SLC27A4: variants seen among roughly 807,000 people sequenced by gnomAD.
SLC27A4 encodes the protein solute carrier family 27 member 4.
Under a neutral mutation model 64.4 loss-of-function variants are expected in SLC27A4, and 33 were observed. The observed-to-expected ratio is 0.51, with a 90% CI of 0.39 to 0.68. SLC27A4 has a LOEUF of 0.68. Ranked by LOEUF, SLC27A4 falls within the 30% of genes least tolerant of loss-of-function variation. SLC27A4 has a pLI of 0.00. For missense variants in SLC27A4, 824 were observed against 883.5 expected (o/e 0.93, Z 0.85); for synonymous variants, 377 against 370.0 (o/e 1.02, Z -0.22).
rs565283052 is a variant in SLC27A4 at position 128,350,526 on chromosome 9, G to T, written c.828G>T (p.Met276Ile). Residue 276 changes from methionine to isoleucine, a missense_variant, in exon 6 of 13, where the codon ATG becomes ATT. Physicochemically the swap from Met to Ile is conservative, Grantham distance 10. Coordinates refer to ENST00000300456, the MANE Select transcript of SLC27A4 (RefSeq NM_005094.4). The stretch of plus-strand genomic sequence containing the variant: ...CCCTGGTGTACTATGGATTCCGCAT[G>T]CGGCCCAACGACATCGTCTATGACT... ...MAALVYYGFR[M>I]RPNDIVYDCL... The T allele has an allele frequency of 6.2e-7, 1 of 1,614,048 alleles. No homozygotes were observed. Among genetic ancestry groups the T allele is most frequent in the African/African-American group, 1.3e-5 (1 of 75,054 alleles).
At position 128,348,525 on chromosome 9, in the gene SLC27A4, A is replaced by C. The variant is rs1334186438; in HGVS notation, c.557-20A>C. 1 of 1,612,194 alleles carries C rather than the reference A, an allele frequency of 6.2e-7. No homozygotes were observed. The highest frequency in any genetic ancestry group is 8.5e-7 in the Non-Finnish European group (1 of 1,179,986). ...ATGGGGTTTTCTGGCCTGCCTGCTG[A>C]CTGCCCTGTCTCCCCACAGCCATCT... On this transcript the variant is annotated intron_variant, in intron 3 of 12. Transcript: ENST00000300456.
chr9:128,348,127 C>G (rs1161674961), intron 3 of SLC27A4, among the ~76,000 whole-genome samples: 1 of 152,288 alleles, frequency 6.6e-6, no homozygotes, highest in East Asian at 1.9e-4. Flanking sequence ...ACCCGCACTC[C>G]TCCCTTCTAT....
At position 128,340,845 on chromosome 9, in the gene SLC27A4, A is replaced by G. The variant is rs1028850831; in HGVS notation, c.-7+7A>G. On this transcript the variant is annotated splice_region_variant and intron_variant, in intron 1 of 12. Transcript: ENST00000300456. ...GCGGCGGAGCCGACGCCGGGTGAGC[A>G]TAGACCGGGCTGGTGGGTTCCCGGG... 1.0e-5 allele frequency: 7 copies of G among 677,834 alleles called. No homozygotes were observed. Among genetic ancestry groups the G allele is most frequent in the Non-Finnish European group, 1.9e-5 (7 of 367,488 alleles). 42.0% of individuals were successfully genotyped at this position (677,834 alleles called of 1,614,324 possible).
intron 12 of SLC27A4, among the ~76,000 whole-genome samples, chr9:128,356,359 G>A (rs958414996): frequency 2.0e-5 from 3 of 152,210 alleles, no homozygotes; most frequent in Middle Eastern, 3.2e-3. Context: ...CTGGAGGAAC[G>A]AAAGGGGGCC....
rs895274146 is a variant in SLC27A4 at position 128,340,708 on chromosome 9, C to T, written c.-137C>T. On this transcript the variant is annotated 5_prime_UTR_variant, in exon 1 of 13. Coordinates refer to ENST00000300456, the MANE Select transcript of SLC27A4 (RefSeq NM_005094.4). ...GGCGGGGCGGCCGGGCCATGCAGGG[C>T]GCAGAGCCGGCTAAACCCTGCTGAG... 9.3e-6 allele frequency: 5 copies of T among 537,460 alleles called. No homozygotes were observed. In the Admixed American group the frequency reaches 1.2e-4, roughly 13 times the overall value. The allele number at this position is 537,460 out of a possible 1,614,324, so 33.3% of individuals were successfully genotyped here. A position where few individuals can be genotyped will look rare whatever the true frequency, so the allele number is the denominator to read the frequency against.
rs991698906 is a variant in SLC27A4 at position 128,348,082 on chromosome 9, G to A, written c.557-463G>A. ...CAGGGGAGCCTGAAAGCAGGTTCCCGCTCTCGGAAGGGGATGGAGGGCCAC... is the reference window on the plus strand; with the variant it reads ...CAGGGGAGCCTGAAAGCAGGTTCCCACTCTCGGAAGGGGATGGAGGGCCAC... On this transcript the variant is annotated intron_variant, in intron 3 of 12. Coordinates refer to ENST00000300456, the MANE Select transcript of SLC27A4 (RefSeq NM_005094.4). Among the ~76,000 whole-genome samples, 11 of 152,142 alleles carry A rather than the reference G, an allele frequency of 7.2e-5. No individual in the cohort carries two copies. In the East Asian group the frequency reaches 9.6e-4, roughly 13 times the overall value.
At chr9:128,340,906 C>T (rs1832560439) in intron 1 of SLC27A4, 68 bp downstream of exon 1, 3 of 531,382 alleles carry the variant, frequency 5.6e-6, no homozygotes, top group Non-Finnish European at 1.0e-5. Flanking sequence ...GGCGAGGTGG[C>T]GGTGCGGACC....
Position 128,345,368 on chromosome 9 carries a change from G to A in SLC27A4, c.375G>A (p.Ser125=), listed in dbSNP as rs1410819650. Residue 125 remains serine, a synonymous_variant, in exon 3 of 13, where the codon TCG becomes TCA. Coordinates refer to ENST00000300456, the MANE Select transcript of SLC27A4 (RefSeq NM_005094.4). This position sits in a 1 kb window ranked among gnomAD's most constrained non-coding sequence, Gnocchi z 4.1. ...ANFLQARGLA[S]GDVAAIFMEN... ...TCCTGCAGGCCCGGGGCCTGGCCTC[G>A]GGCGATGTGGCTGCCATCTTCATGG... is the stretch of plus-strand genomic sequence containing the variant. The A allele has an allele frequency of 7.4e-6, 12 of 1,613,618 alleles. No homozygotes were observed. Among genetic ancestry groups the A allele is most frequent in the Admixed American group, 5.0e-5 (3 of 59,994 alleles).
At chr9:128,357,261 CAAAAAAAAA>C (rs1007585471) in intron 12 of SLC27A4, among the ~76,000 whole-genome samples, 6 of 50,960 alleles carry the variant, frequency 1.2e-4, no homozygotes, top group Non-Finnish European at 2.0e-4. Flanking sequence ...GACTCTGTCT[CAAAAAAAAA>C]AAAAAAAAAA....
chr9:128,347,814 G>C (rs867417713), intron 3 of SLC27A4, among the ~76,000 whole-genome samples: 2 of 151,178 alleles, frequency 1.3e-5, no homozygotes, highest in Non-Finnish European at 2.9e-5. Flanking sequence ...CTTGAGCCCA[G>C]GAGTTCAAGA....
At chr9:128,349,412 C>G (rs1832702825) in intron 4 of SLC27A4, among the ~76,000 whole-genome samples, 1 of 152,120 alleles carries the variant, frequency 6.6e-6, no homozygotes, top group African/African-American at 2.4e-5. Flanking sequence ...AGTAGCAGAA[C>G]CTACTCTATG....
chr9:128,343,952 C>T (rs1832616153), intron 2 of SLC27A4, among the ~76,000 whole-genome samples: 2 of 152,206 alleles, frequency 1.3e-5, no homozygotes, highest in Admixed American at 1.3e-4. Context: ...GCCTTGCTCA[C>T]TACTGTGTCC....
rs1319388289 is a variant in SLC27A4 at position 128,360,992 on chromosome 9, C to T, written c.*501C>T. 1 of 188,226 alleles carries T rather than the reference C, an allele frequency of 5.3e-6. No individual in the cohort carries two copies. Among genetic ancestry groups the T allele is most frequent in the African/African-American group, 2.4e-5 (1 of 42,294 alleles). The allele number at this position is 188,226 out of a possible 1,614,324, so 11.7% of individuals were successfully genotyped here. ...AGGAGGGGAGGAGAGGACCTGACATCTGTAGGTGGCCCCTGATGCCCCATC... is the reference window on the plus strand; with the variant it reads ...AGGAGGGGAGGAGAGGACCTGACATTTGTAGGTGGCCCCTGATGCCCCATC... On this transcript the variant is annotated 3_prime_UTR_variant, in exon 13 of 13. Transcript: ENST00000300456.
At chr9:128,350,622 A>T in intron 6 of SLC27A4, 47 bp downstream of exon 6, 1 of 1,420,282 alleles carries the variant, frequency 7.0e-7, no homozygotes, top group Non-Finnish European at 9.8e-7. Flanking sequence ...CCAGGTCTCT[A>T]GGAACCCCAC....
Position 128,360,749 on chromosome 9 carries a change from T to A in SLC27A4, c.*258T>A. 1.9e-6 allele frequency: 1 copy of A among 513,122 alleles called. No individual in the cohort carries two copies. The highest frequency in any genetic ancestry group is 3.5e-6 in the Non-Finnish European group (1 of 281,774). 31.8% of individuals were successfully genotyped at this position (513,122 alleles called of 1,614,324 possible). A position where few individuals can be genotyped will look rare whatever the true frequency, so the allele number is the denominator to read the frequency against. On this transcript the variant is annotated 3_prime_UTR_variant, in exon 13 of 13. Transcript: ENST00000300456. The stretch of plus-strand genomic sequence containing the variant: ...TGGTTCCCAGGCTGAGACTGACGGG[T>A]TTTCTCAGGATGATGTCTTGGGTGA...
Position 128,360,360 on chromosome 9 carries a change from C to T in SLC27A4, c.1801C>T (p.Leu601=). The T allele has an allele frequency of 6.2e-7, 1 of 1,614,180 alleles. No individual in the cohort carries two copies. Among genetic ancestry groups the T allele is most frequent in the Non-Finnish European group, 8.5e-7 (1 of 1,180,030 alleles). The change falls in exon 13 of 13, where the codon CTA becomes TTA. Residue 601 remains leucine, a synonymous_variant. Transcript: ENST00000300456. The part of the protein sequence containing the change: ...TGTYKFQKTE[L]RKEGFDPAIV... Reference sequence around the variant, plus strand: ...AACCTACAAGTTCCAGAAGACAGAGCTACGGAAGGAGGGCTTTGACCCGGC... The same window carrying T: ...AACCTACAAGTTCCAGAAGACAGAGTTACGGAAGGAGGGCTTTGACCCGGC...
At chr9:128,352,574 C>A in intron 6 of SLC27A4, 64 bp from the exon 7 acceptor site, 1 of 1,307,998 alleles carries the variant, frequency 7.6e-7, no homozygotes, top group Non-Finnish European at 1.1e-6. Context: ...GGCAGTATCA[C>A]TGATTTGGGG....
chr9:128,345,511 GCGCA>G lies in SLC27A4; in HGVS notation c.521_524del (p.Ala174GlyfsTer48). ...CTGCTCCACTGCCTCACCACCTCGC[GCGCA>G]CGGGCCCTTGTCTTTGGCAGCGAAA... is the stretch of plus-strand genomic sequence containing the variant. On this transcript the variant is annotated frameshift_variant, in exon 3 of 13. Transcript: ENST00000300456. LOFTEE classifies it high-confidence loss of function. This position sits in a 1 kb window ranked among gnomAD's most constrained non-coding sequence, Gnocchi z 4.1. The G allele has an allele frequency of 6.2e-7, 1 of 1,609,918 alleles. No homozygotes were observed. The highest frequency in any genetic ancestry group is 8.5e-7 in the Non-Finnish European group (1 of 1,178,712).
In SLC27A4 at chr9:128,355,440, G is replaced by A. The variant is rs373529558; in HGVS notation, c.1505G>A (p.Arg502Gln). ...GACGAGCTGGGCTACCTGTACTTCC[G>A]AGACCGCACTGGGGACACGTTCCGC... ...VMDELGYLYF[R>Q]DRTGDTFRWK... Residue 502 changes from arginine to glutamine, a missense_variant, in exon 11 of 13, where the codon CGA becomes CAA. By Grantham distance (43) the Arg-to-Gln change is conservative. Transcript: ENST00000300456. 2.3e-5 allele frequency: 37 copies of A among 1,613,550 alleles called. No homozygotes were observed. The highest frequency in any genetic ancestry group is 3.0e-5 in the Non-Finnish European group (35 of 1,180,028).
Sources: allele counts gnomAD v4.1 joint callset (sites outside exome capture counted in the v4.1 genomes callset), GRCh38; gene constraint gnomAD v4.1.1; non-coding constraint Gnocchi (gnomAD v3.1); transcripts MANE v1.5; gene names NCBI Gene and HGNC (gene_info 2026-07-23, HGNC 2026-07-21).